Variants in ACVR1 observed in about 807,000 individuals in gnomAD.
ACVR1 encodes the protein activin receptor type-1.
Under a neutral mutation model 57.1 loss-of-function variants are expected in ACVR1, and 38 were observed. The observed-to-expected ratio is 0.67, with a 90% CI of 0.51 to 0.87. The LOEUF is 0.87. ACVR1 is among the 40% of genes least tolerant of loss of function. The pLI, the probability that ACVR1 is intolerant of heterozygous loss-of-function variation, is 0.00. For synonymous variants in ACVR1, 212 were observed against 228.1 expected, an observed-to-expected ratio of 0.93 and a Z score of 0.63; for missense variants, 463 against 638.2, an observed-to-expected ratio of 0.73 and a Z score of 2.96.
rs1005143783 is a variant in ACVR1 at position 157,836,809 on chromosome 2, T to C, written c.-182-18250A>G. On this transcript the variant is annotated intron_variant, in intron 1 of 10. Coordinates refer to ENST00000434821, the MANE Select transcript of ACVR1 (RefSeq NM_001111067.4). ...GAAGCCTTCCAGGATTTATAAGGCT[T>C]CCAGAATTTAAAAGTAATGTGTGCC... Among the ~76,000 whole-genome samples the C allele has an allele frequency of 1.2e-4, 18 of 152,316 alleles. 2 individuals carry two copies. The highest frequency in any genetic ancestry group is 7.8e-4 in the Admixed American group (12 of 15,298).
intron 1 of ACVR1, among the ~76,000 whole-genome samples, chr2:157,839,575 T>C (rs1351334742): frequency 6.6e-6 from 1 of 152,156 alleles, no homozygotes; most frequent in East Asian, 1.9e-4. Flanking sequence ...AGAATAGCTG[T>C]CCAGCGACAC....
intron 3 of ACVR1, among the ~76,000 whole-genome samples, chr2:157,786,924 C>T (rs1177501900): frequency 6.6e-6 from 1 of 152,086 alleles, no homozygotes; most frequent in African/African-American, 2.4e-5. Flanking sequence ...AATAATGGCA[C>T]CTTCAATAGG....
At chr2:157,757,035 T>C (rs1685464761) in intron 9 of ACVR1, among the ~76,000 whole-genome samples, 1 of 130,526 alleles carries the variant, frequency 7.7e-6, no homozygotes, top group Non-Finnish European at 1.6e-5. Flanking sequence ...TATATATATA[T>C]ATATATATAA....
intron 1 of ACVR1, among the ~76,000 whole-genome samples, chr2:157,861,530 C>T (rs755324548): frequency 7.2e-5 from 11 of 152,148 alleles, no homozygotes; most frequent in Non-Finnish European, 1.5e-4. Context: ...ATAAAATTCC[C>T]AGGTTTCTTG....
At chr2:157,853,846 C>G (rs1248140656) in intron 1 of ACVR1, among the ~76,000 whole-genome samples, 1 of 152,158 alleles carries the variant, frequency 6.6e-6, no homozygotes, top group Admixed American at 6.5e-5. Flanking sequence ...TGAAGTTTCC[C>G]TATGCTAAAA....
intron 7 of ACVR1, among the ~76,000 whole-genome samples, chr2:157,767,984 T>C (rs1685930225): frequency 6.6e-6 from 1 of 152,204 alleles, no homozygotes; most frequent in African/African-American, 2.4e-5. Flanking sequence ...ATAATTGATA[T>C]TAGGTTCCTG....
chr2:157,868,583 A>T (rs1690019359), intron 1 of ACVR1, among the ~76,000 whole-genome samples: 1 of 152,124 alleles, frequency 6.6e-6, no homozygotes, highest in Admixed American at 6.5e-5. Flanking sequence ...CTCTTTTTGG[A>T]ATGTTGCCTA....
At chr2:157,851,900 CA>C (rs1230959605) in intron 1 of ACVR1, among the ~76,000 whole-genome samples, 10,904 of 39,118 alleles carry the variant, frequency 0.28, 1,325 homozygotes, top group African/African-American at 0.33. Flanking sequence ...CACACACACA[CA>C]CACACACACC....
intron 1 of ACVR1, among the ~76,000 whole-genome samples, chr2:157,858,280 C>G (rs1401843451): frequency 6.6e-6 from 1 of 152,042 alleles, no homozygotes; most frequent in Non-Finnish European, 1.5e-5. Flanking sequence ...TGTTCCCAGA[C>G]TCTTCTCTCA....
At chr2:157,750,586 T>C (rs1030239758) in intron 9 of ACVR1, among the ~76,000 whole-genome samples, 8 of 151,034 alleles carry the variant, frequency 5.3e-5, no homozygotes, top group African/African-American at 1.9e-4. Flanking sequence ...CAACCCAATA[T>C]AGGAGACAGT....
chr2:157,821,261 C>T (rs1688150589), intron 1 of ACVR1, among the ~76,000 whole-genome samples: 1 of 152,218 alleles, frequency 6.6e-6, no homozygotes, highest in African/African-American at 2.4e-5. Context: ...GGCTGTGGCT[C>T]ATGCCTGTAA....
chr2:157,778,048 G>T (rs987315163), intron 5 of ACVR1, 83 bp downstream of exon 5: 5 of 1,415,214 alleles, frequency 3.5e-6, no homozygotes, highest in East Asian at 2.3e-5. Flanking sequence ...ACTCATTACT[G>T]GTTAGCGTTT....
At chr2:157,811,036 G>T (rs960238585) in intron 2 of ACVR1, among the ~76,000 whole-genome samples, 6 of 152,266 alleles carry the variant, frequency 3.9e-5, no homozygotes, top group African/African-American at 1.4e-4. Flanking sequence ...AGCAAATCGG[G>T]TGATGCTGAG....
chr2:157,785,008 C>A (rs550022684), intron 3 of ACVR1, among the ~76,000 whole-genome samples: 1 of 152,366 alleles, frequency 6.6e-6, no homozygotes, highest in African/African-American at 2.4e-5. Flanking sequence ...CAGTCATGCA[C>A]TCTGCAATGC....
At chr2:157,785,524 G>A (rs73023347) in intron 3 of ACVR1, among the ~76,000 whole-genome samples, 3,689 of 152,260 alleles carry the variant, frequency 0.024, 157 homozygotes, top group African/African-American at 0.084. Context: ...GAGACACAAA[G>A]GTCCGTCTGG....
At chr2:157,819,243 G>A (rs1457485779) in intron 1 of ACVR1, among the ~76,000 whole-genome samples, 1 of 152,020 alleles carries the variant, frequency 6.6e-6, no homozygotes, top group Non-Finnish European at 1.5e-5. Context: ...ACTATTGTGT[G>A]CATTTGAGGG....
At chr2:157,798,116 C>G (rs983573404) in intron 3 of ACVR1, among the ~76,000 whole-genome samples, 1 of 152,148 alleles carries the variant, frequency 6.6e-6, no homozygotes, top group Non-Finnish European at 1.5e-5. Context: ...CGTTGCACTA[C>G]AAGTATCAAC....
intron 1 of ACVR1, among the ~76,000 whole-genome samples, chr2:157,826,165 GT>G (rs1478525022): frequency 3.9e-5 from 6 of 152,166 alleles, no homozygotes; most frequent in Non-Finnish European, 8.8e-5. Flanking sequence ...AGATTTTCTG[GT>G]TTTCTAATGG....
At chr2:157,840,108 T>TG (rs1206265073) in intron 1 of ACVR1, among the ~76,000 whole-genome samples, 1 of 152,208 alleles carries the variant, frequency 6.6e-6, no homozygotes, top group Non-Finnish European at 1.5e-5. Context: ...TCATTATACT[T>TG]GAATGTAGGA....
Sources: gnomAD v4.1 joint callset for allele counts (sites outside exome capture counted in the v4.1 genomes callset) on GRCh38, gnomAD v4.1.1 for gene constraint, MANE v1.5 for transcripts, NCBI Gene and HGNC (gene_info 2026-07-23, HGNC 2026-07-21) for gene names.